SLC12A7: variants seen among roughly 807,000 people sequenced by gnomAD.
SLC12A7 encodes K-Cl cotransporter 4.
SLC12A7 carries 100 observed loss-of-function variants against 120.6 expected under a neutral mutation model. The ratio of observed to expected loss-of-function variants is 0.83; its 90% CI spans 0.71 to 0.98. The LOEUF (loss-of-function observed/expected upper bound fraction) is 0.98. SLC12A7 is among the 50% of genes least tolerant of loss of function. SLC12A7 has a pLI of 0.00. For synonymous variants in SLC12A7, 760 were observed against 678.0 expected (o/e 1.12, Z -1.88); for missense variants, 1,373 against 1,548.1 (o/e 0.89, Z 1.90).
chr5:1,105,569 C>T (rs541093061), intron 1 of SLC12A7, among the ~76,000 whole-genome samples: 1 of 152,268 alleles, frequency 6.6e-6, no homozygotes, highest in Non-Finnish European at 1.5e-5. Context: ...GCCAGCCAGG[C>T]AGCTCATCGT....
chr5:1,141,651 A>G, the SLC12A7 span, among the ~76,000 whole-genome samples: 1 of 152,162 alleles, frequency 6.6e-6, no homozygotes, highest in Non-Finnish European at 1.5e-5. Flanking sequence ...TTAAGTTAAA[A>G]TTTTTTTTAA....
intron 17 of SLC12A7, among the ~76,000 whole-genome samples, chr5:1,067,026 CT>C (rs1737127976): frequency 2.0e-5 from 3 of 152,266 alleles, no homozygotes; most frequent in South Asian, 2.1e-4. Flanking sequence ...ACCCCCTACC[CT>C]GGCTCACACC....
chr5:1,115,093 T>C (rs1189374637), upstream of SLC12A7, among the ~76,000 whole-genome samples: 1 of 152,226 alleles, frequency 6.6e-6, no homozygotes, highest in African/African-American at 2.4e-5. Flanking sequence ...TAGTGCCCTT[T>C]CCAAGCATCG....
At chr5:1,088,139 C>T (rs903232410) in intron 5 of SLC12A7, among the ~76,000 whole-genome samples, 167 bp downstream of exon 5, 7 of 152,242 alleles carry the variant, frequency 4.6e-5, no homozygotes, top group African/African-American at 7.2e-5. Context: ...CGTGACCTCA[C>T]GGCTCAAACG....
chr5:1,124,622 G>A, the SLC12A7 span, among the ~76,000 whole-genome samples: 44 of 152,132 alleles, frequency 2.9e-4, no homozygotes, highest in African/African-American at 9.6e-4. Flanking sequence ...GCCTTGCGGC[G>A]CTGGACACAT....
At chr5:1,093,706 C>T (rs2150879443) in intron 2 of SLC12A7, 51 bp from the exon 3 acceptor site, 10 of 1,603,572 alleles carry the variant, frequency 6.2e-6, no homozygotes, top group East Asian at 2.2e-5. Context: ...CCGTGGGCCC[C>T]CCGACCTCCC....
At chr5:1,135,754 T>C in the SLC12A7 span, among the ~76,000 whole-genome samples, 1 of 152,180 alleles carries the variant, frequency 6.6e-6, no homozygotes, top group Admixed American at 6.5e-5. Context: ...TCAGCTTAAG[T>C]CCCTCGCCCT....
chr5:1,113,320 G>T (rs1743177732), upstream of SLC12A7, among the ~76,000 whole-genome samples: 1 of 152,226 alleles, frequency 6.6e-6, no homozygotes. Flanking sequence ...AATCCTAAAA[G>T]GCAGCTGGAG....
At chr5:1,075,947 G>A (rs1035685851) in intron 14 of SLC12A7, 191 bp downstream of exon 14, 4 of 575,898 alleles carry the variant, frequency 6.9e-6, no homozygotes, top group African/African-American at 1.9e-5. Flanking sequence ...AGCTGCGCAG[G>A]GGCTTACTCC....
Position 1,052,335 on chromosome 5 carries a change from C to T in SLC12A7, c.*25G>A, listed in dbSNP as rs893173513. On this transcript the variant is annotated 3_prime_UTR_variant, in exon 24 of 24. Transcript: ENST00000264930. ...CCCACGCCGTCCTCCGTGCCTGTCC[C>T]AGAGTGCCGTGATGCTGTTGGGCAT... 6.2e-7 allele frequency: 1 copy of T among 1,602,018 alleles called. No homozygotes were observed. Among genetic ancestry groups the T allele is most frequent in the Admixed American group, 1.7e-5 (1 of 59,992 alleles).
At chr5:1,124,276 T>TAATCC in the SLC12A7 span, among the ~76,000 whole-genome samples, 2 of 152,174 alleles carry the variant, frequency 1.3e-5, no homozygotes, top group Non-Finnish European at 2.9e-5. Context: ...AATCCCTCAC[T>TAATCC]GTTTTCGAGG....
chr5:1,135,759 C>T, the SLC12A7 span, among the ~76,000 whole-genome samples: 53 of 152,232 alleles, frequency 3.5e-4, 1 homozygote, highest in African/African-American at 1.2e-3. Flanking sequence ...TTAAGTCCCT[C>T]GCCCTGGTAA....
intron 1 of SLC12A7, among the ~76,000 whole-genome samples, chr5:1,100,602 C>G (rs1388276357): frequency 1.3e-5 from 2 of 152,244 alleles, no homozygotes; most frequent in Non-Finnish European, 2.9e-5. Context: ...AGACGGCGCC[C>G]TCGGGGAGAC....
At chr5:1,112,307 C>G (rs1184740547), upstream of SLC12A7, among the ~76,000 whole-genome samples, 3 of 119,384 alleles carry the variant, frequency 2.5e-5, no homozygotes, top group African/African-American at 1.1e-4. Context: ...GCTCCAGCCC[C>G]CTGCCCCTCC....
At chr5:1,053,515 C>T (rs566666729) in intron 22 of SLC12A7, 33 bp from the exon 23 acceptor site, 13 of 1,606,792 alleles carry the variant, frequency 8.1e-6, no homozygotes, top group Admixed American at 5.0e-5. Context: ...CAGCGGGCGG[C>T]GGGTGCACCC....
Position 1,057,652 on chromosome 5 carries a change from G to C in SLC12A7, c.2848-3C>G. On this transcript the variant is annotated splice_region_variant and splice_polypyrimidine_tract_variant and intron_variant, in intron 21 of 23. Coordinates refer to ENST00000264930, the MANE Select transcript of SLC12A7 (RefSeq NM_006598.3). ...TTCCTGTCGTGGATCAGCTGGGCCT[G>C]GCGGGCCCGGGACTTGGTGAGACCA... The C allele has an allele frequency of 6.3e-7, 1 of 1,593,354 alleles. No individual in the cohort carries two copies. The highest frequency in any genetic ancestry group is 8.5e-7 in the Non-Finnish European group (1 of 1,176,970).
the SLC12A7 span, among the ~76,000 whole-genome samples, chr5:1,133,294 G>A: frequency 3.9e-5 from 6 of 152,166 alleles, no homozygotes; most frequent in Non-Finnish European, 8.8e-5. Flanking sequence ...GCTGGGAGTC[G>A]CACATGTGGG....
chr5:1,052,494 C>T (rs191453453), intron 23 of SLC12A7, 43 bp from the exon 24 acceptor site: 105 of 1,504,012 alleles, frequency 7.0e-5, no homozygotes, highest in Admixed American at 1.7e-4. Flanking sequence ...CTTACCTGAG[C>T]GTGTGTAGCT....
At chr5:1,101,808 C>T (rs1267825860) in intron 1 of SLC12A7, among the ~76,000 whole-genome samples, 5 of 149,066 alleles carry the variant, frequency 3.4e-5, no homozygotes, top group Admixed American at 2.7e-4. Context: ...CACTAAGCAG[C>T]CTTGTGGCCC....
Sources: allele counts gnomAD v4.1 joint callset (sites outside exome capture counted in the v4.1 genomes callset), GRCh38; gene constraint gnomAD v4.1.1; transcripts MANE v1.5; gene names NCBI Gene and HGNC (gene_info 2026-07-23, HGNC 2026-07-21).